C5orf63: variants seen among roughly 807,000 people sequenced by gnomAD.
The protein encoded by C5orf63 is glutaredoxin-like protein C5orf63.
C5orf63 carries 18 observed loss-of-function variants against 13.3 expected under a neutral mutation model. The ratio of observed to expected loss-of-function variants is 1.36; its 90% CI spans 0.94 to 2.01. The LOEUF (loss-of-function observed/expected upper bound fraction) is 2.01, where lower values mean the gene tolerates loss of function less well. C5orf63 is among the 30% of genes most tolerant of loss of function. C5orf63 has a pLI of 0.00. For synonymous variants in C5orf63, 38 were observed against 44.7 expected (o/e 0.85, Z 0.60); for missense variants, 118 against 127.7 (o/e 0.92, Z 0.36).
At chr5:127,044,769 C>CTTTTTTTTTT (rs5871239), downstream of C5orf63, 2 of 127,908 alleles carry the variant, frequency 1.6e-5, no homozygotes. Context: ...TCATTCTATG[C>CTTTTTTTTTT]TTTTTTTTTT....
chr5:127,060,126 A>G (rs1754044866), intron 2 of C5orf63, among the ~76,000 whole-genome samples: 1 of 152,184 alleles, frequency 6.6e-6, no homozygotes, highest in Non-Finnish European at 1.5e-5. Context: ...CAACAAGAGC[A>G]AAACTACATC....
At chr5:127,059,830 T>C (rs1388002215) in intron 2 of C5orf63, among the ~76,000 whole-genome samples, 1 of 151,838 alleles carries the variant, frequency 6.6e-6, no homozygotes, top group Non-Finnish European at 1.5e-5. Flanking sequence ...AGACCTATGC[T>C]TCTCCACTGT....
chr5:127,057,618 A>C (rs908550694), intron 3 of C5orf63, among the ~76,000 whole-genome samples: 1 of 152,340 alleles, frequency 6.6e-6, no homozygotes, highest in Admixed American at 6.5e-5. Context: ...GCAACCCCCA[A>C]GTCAATACTT....
At chr5:127,072,919 A>T (rs576479037) in intron 1 of C5orf63, among the ~76,000 whole-genome samples, 1 of 152,222 alleles carries the variant, frequency 6.6e-6, no homozygotes, top group South Asian at 2.1e-4. Flanking sequence ...CTTTTGCCCA[A>T]TAAGGCTGAG....
Position 127,051,439 on chromosome 5 carries a change from C to G in C5orf63, c.*332G>C. The G allele has an allele frequency of 8.1e-7, 1 of 1,233,056 alleles. No homozygotes were observed. Among genetic ancestry groups the G allele is most frequent in the Non-Finnish European group, 1.0e-6 (1 of 988,744 alleles). 76.4% of individuals were successfully genotyped at this position (1,233,056 alleles called of 1,614,324 possible). On this transcript the variant is annotated 3_prime_UTR_variant, in exon 5 of 5. Coordinates refer to ENST00000296662, the MANE Select transcript of C5orf63 (RefSeq NM_001164478.2). ...CCGGGGCAGCAGCAGGAATGCAGAA[C>G]CTTCTTCCTATAAATGGCATTGCCC...
At chr5:127,051,302 T>G, downstream of C5orf63, 1 of 1,229,198 alleles carries the variant, frequency 8.1e-7, no homozygotes, top group Non-Finnish European at 1.0e-6. Context: ...TTCATGCAGA[T>G]GTATTCCTTA....
At chr5:127,052,946 A>C (rs1484565675) in intron 3 of C5orf63, among the ~76,000 whole-genome samples, 3 of 152,204 alleles carry the variant, frequency 2.0e-5, no homozygotes, top group African/African-American at 7.2e-5. Flanking sequence ...TATAATACAT[A>C]CATATAGATG....
chr5:127,047,522 T>C (rs1262641949), downstream of C5orf63: 5 of 573,732 alleles, frequency 8.7e-6, no homozygotes, highest in East Asian at 1.4e-4. Context: ...TATTCCTCTC[T>C]GAAATAAGAA....
In C5orf63 at chr5:127,051,709, T is replaced by C. The variant is rs1455814412; in HGVS notation, c.*62A>G. ...AAGTGACAAAATGAGTATCAGGCCA[T>C]GGTCATTTCCTTAGGAAGATGCTTT... On this transcript the variant is annotated 3_prime_UTR_variant, in exon 5 of 5. Coordinates refer to ENST00000296662, the MANE Select transcript of C5orf63 (RefSeq NM_001164478.2). 2.1e-6 allele frequency: 3 copies of C among 1,432,648 alleles called. No homozygotes were observed. The highest frequency in any genetic ancestry group is 1.4e-5 in the African/African-American group (1 of 69,716). The allele number at this position is 1,432,648 out of a possible 1,614,324, so 88.7% of individuals were successfully genotyped here. A position where few individuals can be genotyped will look rare whatever the true frequency, so the allele number is the denominator to read the frequency against.
chr5:127,055,565 C>A (rs558262650), intron 3 of C5orf63, among the ~76,000 whole-genome samples: 9 of 152,248 alleles, frequency 5.9e-5, no homozygotes, highest in Admixed American at 1.3e-4. Context: ...AAGAATCACA[C>A]CATTAAAGGG....
downstream of C5orf63, chr5:127,051,282 C>T: frequency 8.2e-7 from 1 of 1,222,892 alleles, no homozygotes; most frequent in South Asian, 4.3e-5. Context: ...TTAAATCCCA[C>T]TGAATAGGCT....
chr5:127,067,717 C>G (rs1754381985), intron 2 of C5orf63, among the ~76,000 whole-genome samples: 1 of 152,110 alleles, frequency 6.6e-6, no homozygotes, highest in Admixed American at 6.5e-5. Context: ...ATTTCTCAAA[C>G]AGGGAAAAAT....
At chr5:127,044,072 G>C (rs1753464357), downstream of C5orf63, 1 of 152,178 alleles carries the variant, frequency 6.6e-6, no homozygotes, top group South Asian at 2.1e-4. Flanking sequence ...GCACAATGAG[G>C]CCATGGGCTC....
At chr5:127,071,740 C>T (rs1201029034) in intron 1 of C5orf63, 55 bp from the exon 2 acceptor site, 5 of 152,186 alleles carry the variant, frequency 3.3e-5, no homozygotes, top group Admixed American at 6.5e-5. Context: ...AAAAACACCT[C>T]GCTACTTGTA....
At chr5:127,064,343 A>G (rs896678949) in intron 2 of C5orf63, among the ~76,000 whole-genome samples, 1 of 152,150 alleles carries the variant, frequency 6.6e-6, no homozygotes, top group Non-Finnish European at 1.5e-5. Flanking sequence ...GGCATAGGTG[A>G]GATCAGAGGT....
chr5:127,058,628 C>T (rs1413309998), intron 3 of C5orf63: 2 of 361,056 alleles, frequency 5.5e-6, no homozygotes, highest in Non-Finnish European at 9.9e-6. Flanking sequence ...TTTTTAAACA[C>T]CATATTATAA....
chr5:127,048,307 C>G (rs1028919411), downstream of C5orf63, among the ~76,000 whole-genome samples: 7 of 150,426 alleles, frequency 4.7e-5, no homozygotes, highest in South Asian at 8.4e-4. Flanking sequence ...ACTTTACTTC[C>G]CTGGGACAAA....
intron 2 of C5orf63, among the ~76,000 whole-genome samples, chr5:127,068,970 A>T (rs1754431044): frequency 6.6e-6 from 1 of 152,124 alleles, no homozygotes; most frequent in Non-Finnish European, 1.5e-5. Flanking sequence ...CTCCATCCTC[A>T]ACTCCAAAGA....
intron 2 of C5orf63, among the ~76,000 whole-genome samples, chr5:127,066,232 C>T (rs1170038513): frequency 6.6e-6 from 1 of 151,906 alleles, no homozygotes; most frequent in Non-Finnish European, 1.5e-5. Context: ...ATCACGTAGG[C>T]CTTGTGGGTT....
Sources: gnomAD v4.1 joint callset for allele counts (sites outside exome capture counted in the v4.1 genomes callset) on GRCh38, gnomAD v4.1.1 for gene constraint, MANE v1.5 for transcripts, NCBI Gene and HGNC (gene_info 2026-07-23, HGNC 2026-07-21) for gene names.